ARHGAP29: variants seen among roughly 807,000 people sequenced by gnomAD.
ARHGAP29 encodes the protein rho GTPase-activating protein 29.
In ARHGAP29, 43 loss-of-function variants were observed where a neutral mutation model predicts 122.6. The observed-to-expected ratio is 0.35, with a 90% CI of 0.27 to 0.45. ARHGAP29 has a LOEUF of 0.45. Ranked by LOEUF, ARHGAP29 falls within the 20% of genes least tolerant of loss-of-function variation. ARHGAP29 has a pLI of 1.00. For missense variants in ARHGAP29, 1,303 were observed against 1,477.2 expected, an observed-to-expected ratio of 0.88 and a Z score of 1.93; for synonymous variants, 506 against 497.1, an observed-to-expected ratio of 1.02 and a Z score of -0.24.
chr1:94,217,881 C>G (rs576773002), intron 3 of ARHGAP29, among the ~76,000 whole-genome samples: 5 of 151,852 alleles, frequency 3.3e-5, no homozygotes, highest in African/African-American at 1.2e-4. Context: ...AAACTGAAAC[C>G]TCAAATAATA....
At chr1:94,187,001 C>A (rs989905417) in intron 15 of ARHGAP29, among the ~76,000 whole-genome samples, 1 of 152,120 alleles carries the variant, frequency 6.6e-6, no homozygotes, top group African/African-American at 2.4e-5. Flanking sequence ...TAAATGTATA[C>A]AATTAAACCA....
At position 94,256,536 on chromosome 1, in the gene ARHGAP29, C is replaced by CTTTTTTTTTTT. The variant is rs530295333; in HGVS notation, c.-33+18465_-33+18475dup. ...CAGAAATAGATTTAACAGTACTAAT[C>CTTTTTTTTTTT]TTTTTTTTTTTTTTTTTTTTTTTTT... On this transcript the variant is annotated intron_variant and NMD_transcript_variant, in intron 1 of 25. Transcript: ENST00000552844. Among the ~76,000 whole-genome samples, 39 of 45,330 alleles carry CTTTTTTTTTTT rather than the reference C, an allele frequency of 8.6e-4. 16 individuals are homozygous for CTTTTTTTTTTT. Among genetic ancestry groups the CTTTTTTTTTTT allele is most frequent in the East Asian group, 5.1e-3 (4 of 780 alleles). The allele number at this position is 45,330 out of a possible 152,430, so 29.7% of individuals were successfully genotyped here. A position where few individuals can be genotyped will look rare whatever the true frequency, so the allele number is the denominator to read the frequency against.
At chr1:94,228,270 T>C (rs952414397) in intron 2 of ARHGAP29, among the ~76,000 whole-genome samples, 3 of 151,822 alleles carry the variant, frequency 2.0e-5, no homozygotes, top group Non-Finnish European at 4.4e-5. Context: ...GAAATTTTCA[T>C]TAATTTGTTT....
the ARHGAP29 span, among the ~76,000 whole-genome samples, chr1:94,290,216 A>G: frequency 6.6e-6 from 1 of 151,582 alleles, no homozygotes; most frequent in Admixed American, 6.6e-5. Flanking sequence ...ATTCGGGTCT[A>G]TTCATCAGTT....
At chr1:94,307,390 C>T in the ARHGAP29 span, among the ~76,000 whole-genome samples, 1 of 152,216 alleles carries the variant, frequency 6.6e-6, no homozygotes, top group East Asian at 1.9e-4. Flanking sequence ...AATATTTCCT[C>T]TAGAAAATGT....
At chr1:94,245,589 G>C (rs1454275205) in intron 1 of ARHGAP29, among the ~76,000 whole-genome samples, 1 of 152,130 alleles carries the variant, frequency 6.6e-6, no homozygotes, top group African/African-American at 2.4e-5. Flanking sequence ...AGGTGTGGGG[G>C]AAATTGCGAG....
At chr1:94,214,079 C>T (rs564850415) in intron 3 of ARHGAP29, among the ~76,000 whole-genome samples, 1 of 152,264 alleles carries the variant, frequency 6.6e-6, no homozygotes, top group South Asian at 2.1e-4. Context: ...TGATAAAAGG[C>T]TTTAGAGTTT....
chr1:94,307,633 C>T, the ARHGAP29 span, among the ~76,000 whole-genome samples: 1 of 151,916 alleles, frequency 6.6e-6, no homozygotes. Flanking sequence ...CCAGAGACCA[C>T]ATGTAAGGGT....
intron 1 of ARHGAP29, among the ~76,000 whole-genome samples, chr1:94,268,467 A>G (rs1433184814): frequency 6.6e-6 from 1 of 152,006 alleles, no homozygotes; most frequent in Admixed American, 6.6e-5. Flanking sequence ...TTTTTTCTAC[A>G]GCACTTATCA....
At chr1:94,222,938 C>T (rs946108385) in intron 2 of ARHGAP29, among the ~76,000 whole-genome samples, 2 of 127,144 alleles carry the variant, frequency 1.6e-5, no homozygotes, top group African/African-American at 5.8e-5. Context: ...AAATTTTCCC[C>T]ATAAACATAA....
At chr1:94,248,551 A>C (rs1052436887) in intron 1 of ARHGAP29, among the ~76,000 whole-genome samples, 23 of 152,216 alleles carry the variant, frequency 1.5e-4, no homozygotes, top group African/African-American at 5.3e-4. Context: ...TTAATGGGTA[A>C]AATTATGGAA....
intron 19 of ARHGAP29, among the ~76,000 whole-genome samples, chr1:94,180,372 G>A (rs1295311556): frequency 1.3e-5 from 2 of 152,168 alleles, no homozygotes; most frequent in African/African-American, 4.8e-5. Context: ...TTCTTGATAT[G>A]AGAGAAACAG....
At chr1:94,259,886 A>G (rs1654492421) in intron 1 of ARHGAP29, among the ~76,000 whole-genome samples, 1 of 152,202 alleles carries the variant, frequency 6.6e-6, no homozygotes, top group Non-Finnish European at 1.5e-5. Flanking sequence ...TAAATTTCAA[A>G]GCTCCCAAGT....
intron 12 of ARHGAP29, among the ~76,000 whole-genome samples, chr1:94,198,092 A>G (rs367604340): frequency 1.3e-5 from 2 of 152,232 alleles, no homozygotes; most frequent in Admixed American, 6.5e-5. Flanking sequence ...AGAATCCCAA[A>G]GGATCTACAA....
chr1:94,247,108 G>A (rs1653833941), intron 1 of ARHGAP29, among the ~76,000 whole-genome samples: 1 of 152,142 alleles, frequency 6.6e-6, no homozygotes, highest in South Asian at 2.1e-4. Context: ...GTTTTACTCA[G>A]CCTTTGCATG....
chr1:94,200,312 C>T (rs142491226), intron 12 of ARHGAP29, among the ~76,000 whole-genome samples: 201 of 152,250 alleles, frequency 1.3e-3, no homozygotes, highest in African/African-American at 4.3e-3. Context: ...TGCTCAATAT[C>T]GTTAATCATT....
chr1:94,208,044 A>C (rs1407657272), intron 5 of ARHGAP29, among the ~76,000 whole-genome samples: 1 of 151,860 alleles, frequency 6.6e-6, no homozygotes, highest in Non-Finnish European at 1.5e-5. Context: ...AATCATGTTA[A>C]CCAGGCTGGT....
Position 94,202,949 on chromosome 1 carries a change from T to C in ARHGAP29, c.923A>G (p.Lys308Arg). 6.2e-7 allele frequency: 1 copy of C among 1,609,492 alleles called. No homozygotes were observed. Among genetic ancestry groups the C allele is most frequent in the Non-Finnish European group, 8.5e-7 (1 of 1,179,012 alleles). ...NEMEKQRKEIKELWKQEQNKM... is the reference protein window; with the variant it reads ...NEMEKQRKEIRELWKQEQNKM... ...ATTTTGCTCCTGTTTCCAAAGCTCT[T>C]TTATTTCTTTCCTTTGTTTTTCCAT... Residue 308 changes from lysine to arginine, a missense_variant, in exon 10 of 23, where the codon AAA becomes AGA. Coordinates refer to ENST00000260526, the MANE Select transcript of ARHGAP29 (RefSeq NM_004815.4).
chr1:94,312,351 A>ATTTTTTT, the ARHGAP29 span, among the ~76,000 whole-genome samples: 1 of 72,552 alleles, frequency 1.4e-5, no homozygotes, highest in Non-Finnish European at 3.0e-5. Flanking sequence ...CTTCATTTTT[A>ATTTTTTT]TTTGTTTTTT....
Sources: gnomAD v4.1 joint callset for allele counts (sites outside exome capture counted in the v4.1 genomes callset) on GRCh38, gnomAD v4.1.1 for gene constraint, MANE v1.5 for transcripts, NCBI Gene and HGNC (gene_info 2026-07-23, HGNC 2026-07-21) for gene names.